HTR3B: variants seen among roughly 807,000 people sequenced by gnomAD.
The protein encoded by HTR3B is 5-hydroxytryptamine (serotonin) receptor 3B, ionotropic.
Under a neutral mutation model 42.8 loss-of-function variants are expected in HTR3B, and 44 were observed. That is an observed-to-expected ratio of 1.03 (90% confidence interval 0.81 to 1.32). HTR3B has a LOEUF of 1.32. Ranked by LOEUF, HTR3B falls within the 40% of genes most tolerant of loss-of-function variation. HTR3B has a pLI of 0.00. For synonymous variants in HTR3B, 203 were observed against 209.0 expected (o/e 0.97, Z 0.25); for missense variants, 527 against 536.5 (o/e 0.98, Z 0.17).
intron 2 of HTR3B, among the ~76,000 whole-genome samples, chr11:113,910,202 T>C (rs1035071732): frequency 6.6e-6 from 1 of 152,116 alleles, no homozygotes; most frequent in African/African-American, 2.4e-5. Flanking sequence ...GGGGCTTTTA[T>C]ACCTAAAGCG....
At chr11:113,907,537 C>T (rs1482094385) in intron 1 of HTR3B, among the ~76,000 whole-genome samples, 1 of 152,104 alleles carries the variant, frequency 6.6e-6, no homozygotes, top group Non-Finnish European at 1.5e-5. Flanking sequence ...TTATTTTTCT[C>T]CTTTCAGTGC....
intron 2 of HTR3B, among the ~76,000 whole-genome samples, chr11:113,916,360 A>G (rs1449838773): frequency 1.3e-5 from 2 of 152,134 alleles, no homozygotes; most frequent in Non-Finnish European, 2.9e-5. Flanking sequence ...AGAGTTATTT[A>G]TATACTCTGA....
chr11:113,939,593 T>C (rs1950117892), intron 6 of HTR3B, among the ~76,000 whole-genome samples: 1 of 152,090 alleles, frequency 6.6e-6, no homozygotes, highest in African/African-American at 2.4e-5. Flanking sequence ...TCAGGGACCT[T>C]GAGGGGCCAC....
chr11:113,908,901 A>G, intron 1 of HTR3B: 2 of 242,370 alleles, frequency 8.3e-6, no homozygotes, highest in African/African-American at 2.2e-5. Flanking sequence ...ATGAAAAATC[A>G]AAAGAAAAAC....
intron 6 of HTR3B, among the ~76,000 whole-genome samples, chr11:113,940,704 C>A (rs893942882): frequency 6.6e-6 from 1 of 152,202 alleles, no homozygotes; most frequent in Non-Finnish European, 1.5e-5. Flanking sequence ...GGATGTGCTC[C>A]CAGACCCAAT....
chr11:113,934,246 G>A (rs1431982876), intron 6 of HTR3B, among the ~76,000 whole-genome samples: 1 of 151,968 alleles, frequency 6.6e-6, no homozygotes, highest in East Asian at 1.9e-4. Context: ...AACTTGCTGG[G>A]TGTAGTGGTG....
At chr11:113,927,665 C>T (rs1234923854) in intron 2 of HTR3B, among the ~76,000 whole-genome samples, 3 of 151,614 alleles carry the variant, frequency 2.0e-5, no homozygotes, top group Non-Finnish European at 2.9e-5. Flanking sequence ...TGGGTTCAAG[C>T]GATTCTCCTA....
chr11:113,904,683 T>C, upstream of HTR3B: 1 of 441,978 alleles, frequency 2.3e-6, no homozygotes, highest in East Asian at 3.8e-5. Context: ...GGCCACGGTC[T>C]GATCTTGGGG....
At chr11:113,914,564 C>A (rs1194265007) in intron 2 of HTR3B, among the ~76,000 whole-genome samples, 1 of 151,896 alleles carries the variant, frequency 6.6e-6, no homozygotes, top group Non-Finnish European at 1.5e-5. Flanking sequence ...CTCACTGCAA[C>A]CTCCGCCTCC....
intron 7 of HTR3B, 113 bp downstream of exon 7, chr11:113,943,305 G>A: frequency 1.2e-6 from 1 of 857,244 alleles, no homozygotes; most frequent in Non-Finnish European, 1.9e-6. Context: ...GGGAGGCCAA[G>A]GTGGGAGGAC....
chr11:113,939,883 T>C (rs1002895606), intron 6 of HTR3B, among the ~76,000 whole-genome samples: 2 of 147,822 alleles, frequency 1.4e-5, no homozygotes, highest in African/African-American at 2.5e-5. Context: ...CTCTGTCCCC[T>C]TGGTGTTTTT....
At chr11:113,903,508 C>A (rs1949710623), upstream of HTR3B, among the ~76,000 whole-genome samples, 1 of 147,806 alleles carries the variant, frequency 6.8e-6, no homozygotes, top group Non-Finnish European at 1.5e-5. Flanking sequence ...TGGTTCATGG[C>A]AACCTCCACC....
At chr11:113,941,888 G>A (rs148056666) in intron 6 of HTR3B, among the ~76,000 whole-genome samples, 43 of 152,190 alleles carry the variant, frequency 2.8e-4, no homozygotes, top group African/African-American at 1.0e-3. Context: ...CCCAGTCCCC[G>A]AAAAGCCCAG....
At chr11:113,930,440 G>A (rs1382383934) in intron 2 of HTR3B, among the ~76,000 whole-genome samples, 8 of 148,830 alleles carry the variant, frequency 5.4e-5, no homozygotes, top group Middle Eastern at 3.2e-3. Context: ...TTCTTTACTA[G>A]ATTAGATATG....
chr11:113,932,632 G>A (rs1950047712), intron 5 of HTR3B, among the ~76,000 whole-genome samples, 174 bp downstream of exon 5: 1 of 114,432 alleles, frequency 8.7e-6, no homozygotes, highest in African/African-American at 4.0e-5. Context: ...GATGCTGTAG[G>A]CCCCCATAGT....
chr11:113,904,705 G>A (rs1949721242), upstream of HTR3B: 1 of 489,562 alleles, frequency 2.0e-6, no homozygotes, highest in African/African-American at 2.0e-5. Context: ...AGAACCAAAG[G>A]GAGAAGTTAA....
intron 2 of HTR3B, among the ~76,000 whole-genome samples, chr11:113,919,962 G>C (rs1358597328): frequency 6.6e-6 from 1 of 151,958 alleles, no homozygotes; most frequent in Non-Finnish European, 1.5e-5. Flanking sequence ...CTAATCAATT[G>C]TTTCATTGTA....
chr11:113,945,867 C>T (rs534391028), intron 8 of HTR3B, 35 bp from the exon 9 acceptor site: 1 of 1,521,248 alleles, frequency 6.6e-7, no homozygotes, highest in South Asian at 1.1e-5. Context: ...TTGGTAGTCC[C>T]TGGCTCACCC....
At chr11:113,925,417 G>GTTTTTTTTTTTTTTTTT (rs201996305) in intron 2 of HTR3B, among the ~76,000 whole-genome samples, 1 of 100,720 alleles carries the variant, frequency 9.9e-6, no homozygotes, top group Non-Finnish European at 2.1e-5. Flanking sequence ...TTACGAATTT[G>GTTTTTTTTTTTTTTTTT]TTTTTTTTTT....
Sources: gnomAD v4.1 joint callset for allele counts (sites outside exome capture counted in the v4.1 genomes callset) on GRCh38, gnomAD v4.1.1 for gene constraint, MANE v1.5 for transcripts, NCBI Gene and HGNC (gene_info 2026-07-23, HGNC 2026-07-21) for gene names.